Variants in RASGRP3 observed in about 807,000 individuals in gnomAD.
RASGRP3 encodes ras guanyl-releasing protein 3.
A neutral mutation model predicts 82.7 loss-of-function variants in RASGRP3; 54 were observed. The ratio of observed to expected loss-of-function variants is 0.65; its 90% CI spans 0.52 to 0.82. The LOEUF (loss-of-function observed/expected upper bound fraction) is 0.82, where lower values mean the gene tolerates loss of function less well. Ranked by LOEUF, RASGRP3 falls within the 40% of genes least tolerant of loss-of-function variation. RASGRP3 has a pLI of 0.00. For synonymous variants in RASGRP3, 309 were observed against 300.5 expected (o/e 1.03, Z -0.29); for missense variants, 861 against 828.9 (o/e 1.04, Z -0.48).
At chr2:33,473,111 C>T (rs911164819), upstream of RASGRP3, among the ~76,000 whole-genome samples, 1 of 152,068 alleles carries the variant, frequency 6.6e-6, no homozygotes, top group South Asian at 2.1e-4. Flanking sequence ...GCCTGTAATC[C>T]CAGCACTTTG....
intron 2 of RASGRP3, among the ~76,000 whole-genome samples, chr2:33,464,565 C>T (rs1171352451): frequency 3.3e-5 from 5 of 151,978 alleles, no homozygotes; most frequent in Non-Finnish European, 7.4e-5. Context: ...CTTGACTTCC[C>T]CTGCTCAAGT....
chr2:33,463,099 A>C (rs543733756), intron 2 of RASGRP3, among the ~76,000 whole-genome samples: 1 of 152,340 alleles, frequency 6.6e-6, no homozygotes, highest in Admixed American at 6.5e-5. Flanking sequence ...CTCAAAAATG[A>C]ATGAAACTTG....
intron 1 of RASGRP3, chr2:33,493,092 G>C (rs965739160): frequency 6.6e-6 from 1 of 152,198 alleles, no homozygotes; most frequent in East Asian, 1.9e-4. Context: ...CCAGAACCAA[G>C]GGGCCTCTTT....
Position 33,515,141 on chromosome 2 carries a change from G to C in RASGRP3, c.5G>C (p.Gly2Ala). The change falls in exon 3 of 18, where the codon GGA becomes GCA. Residue 2 changes from glycine to alanine, a missense_variant. Physicochemically the swap from Gly to Ala is moderately conservative, Grantham distance 60 (BLOSUM62 0). Coordinates refer to ENST00000403687, the MANE Select transcript of RASGRP3 (RefSeq NM_001139488.2). M[G>A]SSGLGKAATL... ...TTTGACAACGGCTAAATAACCATGG[G>C]ATCAAGTGGCCTTGGGAAAGCAGCA... The C allele has an allele frequency of 6.2e-7, 1 of 1,613,884 alleles. No homozygotes were observed.
chr2:33,539,259 C>G lies in RASGRP3; in HGVS notation c.1278+49C>G, dbSNP rs983096845. The G allele has an allele frequency of 2.9e-6, 4 of 1,376,886 alleles. No homozygotes were observed. In the Admixed American group the frequency reaches 6.0e-5, roughly 20 times the overall value. The allele number at this position is 1,376,886 out of a possible 1,614,324, so 85.3% of individuals were successfully genotyped here. A position where few individuals can be genotyped will look rare whatever the true frequency, so the allele number is the denominator to read the frequency against. On this transcript the variant is annotated intron_variant, in intron 12 of 17. Transcript: ENST00000403687. Reference sequence around the variant, plus strand: ...GAGAGGGCACTAGAAGACCCTTTCTCTTTCCAGAATGTTCTGCGATTGTCC... The same window carrying G: ...GAGAGGGCACTAGAAGACCCTTTCTGTTTCCAGAATGTTCTGCGATTGTCC...
intron 2 of RASGRP3, among the ~76,000 whole-genome samples, chr2:33,467,080 T>A (rs73926665): frequency 4.7e-5 from 7 of 148,314 alleles, no homozygotes; most frequent in African/African-American, 1.8e-4. Flanking sequence ...ATATATATAT[T>A]AATAAATTCT....
intron 1 of RASGRP3, among the ~76,000 whole-genome samples, chr2:33,504,154 A>G (rs1574362372): frequency 6.6e-6 from 1 of 152,136 alleles, no homozygotes; most frequent in South Asian, 2.1e-4. Context: ...TTCTGGAATC[A>G]TGTTCAGATA....
In RASGRP3 at chr2:33,443,823, G is replaced by A. The variant is rs1030157857; in HGVS notation, c.-384-3997G>A. On this transcript the variant is annotated intron_variant, in intron 1 of 18. Transcript: ENST00000402538. The stretch of plus-strand genomic sequence containing the variant: ...TTGAGCCCAGTTGTTCAAGTCTACA[G>A]TGAGCTATGATCACACCACTGCACT... 4.6e-5 allele frequency among the ~76,000 whole-genome samples: 7 copies of A among 151,438 alleles called. No individual in the cohort carries two copies. In the East Asian group the frequency reaches 1.4e-3, roughly 29 times the overall value.
intron 6 of RASGRP3, 129 bp from the exon 7 acceptor site, chr2:33,521,826 A>G: frequency 9.0e-7 from 1 of 1,113,706 alleles, no homozygotes; most frequent in Non-Finnish European, 1.3e-6. Context: ...TTCCAATATG[A>G]AAGACAGGGC....
intron 6 of RASGRP3, among the ~76,000 whole-genome samples, chr2:33,520,977 G>T (rs756066515): frequency 6.6e-6 from 1 of 152,216 alleles, no homozygotes; most frequent in Non-Finnish European, 1.5e-5. Flanking sequence ...GATGCTCAGT[G>T]TTAGTTACTG....
intron 1 of RASGRP3, among the ~76,000 whole-genome samples, chr2:33,509,499 A>G (rs1415005659): frequency 1.3e-5 from 2 of 152,212 alleles, no homozygotes; most frequent in African/African-American, 4.8e-5. Flanking sequence ...AAAGCTTACA[A>G]TACTGTCATG....
intron 10 of RASGRP3, 87 bp downstream of exon 10, chr2:33,527,499 C>A: frequency 7.3e-7 from 1 of 1,368,028 alleles, no homozygotes; most frequent in Non-Finnish European, 9.9e-7. Context: ...GCCAGCAATT[C>A]ATTCTGGGGG....
chr2:33,480,199 T>C (rs1233101106), intron 1 of RASGRP3, among the ~76,000 whole-genome samples: 2 of 151,940 alleles, frequency 1.3e-5, no homozygotes, highest in East Asian at 1.9e-4. Flanking sequence ...CCCGCCACCA[T>C]GCCCGGCTAA....
intron 11 of RASGRP3, among the ~76,000 whole-genome samples, chr2:33,534,738 T>C (rs1431782913): frequency 6.7e-6 from 1 of 149,506 alleles, no homozygotes; most frequent in Non-Finnish European, 1.5e-5. Flanking sequence ...AGATGGGGAT[T>C]TCACTATGTT....
intron 1 of RASGRP3, among the ~76,000 whole-genome samples, chr2:33,479,436 A>C (rs1667683190): frequency 6.6e-6 from 1 of 152,058 alleles, no homozygotes; most frequent in Admixed American, 6.6e-5. Flanking sequence ...CACCCCAAAT[A>C]GCTGGCTTAG....
chr2:33,520,063 C>A, intron 5 of RASGRP3, 49 bp downstream of exon 5: 3 of 1,434,072 alleles, frequency 2.1e-6, no homozygotes, highest in South Asian at 1.2e-5. Context: ...GTTCTGGAAT[C>A]GTGGACAATT....
intron 15 of RASGRP3, among the ~76,000 whole-genome samples, chr2:33,557,204 C>T (rs1411881896): frequency 1.3e-5 from 2 of 152,106 alleles, no homozygotes; most frequent in East Asian, 3.9e-4. Flanking sequence ...TCTGAAGTGG[C>T]CACATTTTTC....
intron 7 of RASGRP3, among the ~76,000 whole-genome samples, chr2:33,522,613 C>T (rs1301725005): frequency 6.6e-6 from 1 of 152,122 alleles, no homozygotes; most frequent in African/African-American, 2.4e-5. Context: ...TTGATGGAGC[C>T]TCATTCCTTC....
At chr2:33,526,158 G>T (rs1319035935) in intron 9 of RASGRP3, among the ~76,000 whole-genome samples, 1 of 152,176 alleles carries the variant, frequency 6.6e-6, no homozygotes, top group Non-Finnish European at 1.5e-5. Flanking sequence ...ACAATGTACT[G>T]ATTGGCTTAA....
Sources: gnomAD v4.1 joint callset for allele counts (sites outside exome capture counted in the v4.1 genomes callset) on GRCh38, gnomAD v4.1.1 for gene constraint, MANE v1.5 for transcripts, NCBI Gene and HGNC (gene_info 2026-07-23, HGNC 2026-07-21) for gene names.